PCDHGB3: variants seen among roughly 807,000 people sequenced by gnomAD.
PCDHGB3 encodes protocadherin gamma-B3.
PCDHGB3 carries 40 observed loss-of-function variants against 59.2 expected under a neutral mutation model. That is an observed-to-expected ratio of 0.68 (90% CI 0.52 to 0.88). The LOEUF (loss-of-function observed/expected upper bound fraction) is 0.88. Among genes scored for constraint, PCDHGB3 ranks in the 40% least tolerant of loss-of-function variants. The probability of loss-of-function intolerance (pLI) is 0.00; values close to 1 mark genes in which losing one functional copy is unlikely to be tolerated. For missense variants in PCDHGB3, 1,309 were observed against 1,187.9 expected (o/e 1.10, Z -1.50); for synonymous variants, 581 against 503.6 (o/e 1.15, Z -2.06).
Position 141,372,073 on chromosome 5 carries a change from C to G in PCDHGB3, c.1679C>G (p.Pro560Arg), listed in dbSNP as rs774208540. ...GTGGACGACCGCAACGACAATGCACCGCTGGTGCTGTACCCAGCTCTGGGG... is the reference window on the plus strand; with the variant it reads ...GTGGACGACCGCAACGACAATGCACGGCTGGTGCTGTACCCAGCTCTGGGG... ...VLVDDRNDNA[P>R]LVLYPALGPE... Residue 560 changes from proline (P) to arginine (R), a missense_variant, in exon 1 of 4, where the codon CCG becomes CGG. Transcript: ENST00000576222. 4 of 1,613,648 alleles carry G rather than the reference C, an allele frequency of 2.5e-6. No individual in the cohort carries two copies. The South Asian group carries it at 4.4e-5, about 18-fold the overall frequency.
intron 1 of PCDHGB3, among the ~76,000 whole-genome samples, chr5:141,406,485 G>T (rs2094815755): frequency 6.6e-6 from 1 of 152,142 alleles, no homozygotes; most frequent in Non-Finnish European, 1.5e-5. Flanking sequence ...ATATTTTTCA[G>T]ATCACAAGTG....
chr5:141,496,533 G>A (rs2099769399), intron 2 of PCDHGB3, among the ~76,000 whole-genome samples: 2 of 152,176 alleles, frequency 1.3e-5, no homozygotes, highest in Admixed American at 1.3e-4. Context: ...GTGTATGGCA[G>A]AGATTCCAGC....
chr5:141,401,672 T>A (rs1468956975), intron 1 of PCDHGB3, among the ~76,000 whole-genome samples: 1 of 152,222 alleles, frequency 6.6e-6, no homozygotes, highest in African/African-American at 2.4e-5. Context: ...CTCAACATCC[T>A]TGTAGGATGG....
At chr5:141,442,053 G>A (rs888378256) in intron 1 of PCDHGB3, 3 of 197,472 alleles carry the variant, frequency 1.5e-5, no homozygotes, top group Non-Finnish European at 3.2e-5. Flanking sequence ...ACTGGTCGCG[G>A]TGCACTGCGG....
At chr5:141,414,132 T>A in intron 1 of PCDHGB3, 1 of 1,594,828 alleles carries the variant, frequency 6.3e-7, no homozygotes, top group South Asian at 1.1e-5. Flanking sequence ...CCGGTTTCTA[T>A]GAAATAGAAA....
At chr5:141,433,208 CTT>C (rs745329085) in intron 1 of PCDHGB3, 289 of 1,287,502 alleles carry the variant, frequency 2.2e-4, no homozygotes, top group South Asian at 2.8e-4. Context: ...AATCTTCTTT[CTT>C]TTTTTTTTTT....
At chr5:141,398,936 AC>A in intron 1 of PCDHGB3, 1 of 1,613,962 alleles carries the variant, frequency 6.2e-7, no homozygotes, top group East Asian at 2.2e-5. Context: ...ACTGACCAAG[AC>A]GAGGGCATCA....
At chr5:141,418,418 G>C (rs1366605966) in intron 1 of PCDHGB3, 1 of 1,613,998 alleles carries the variant, frequency 6.2e-7, no homozygotes, top group East Asian at 2.2e-5. Flanking sequence ...AGACAATCCT[G>C]ATGGTGGCAA....
chr5:141,413,265 T>C, intron 1 of PCDHGB3: 1 of 1,613,958 alleles, frequency 6.2e-7, no homozygotes, highest in Non-Finnish European at 8.5e-7. Context: ...CATGGGAGGC[T>C]GGAGCCCGGC....
chr5:141,468,598 G>A (rs1250884127), intron 1 of PCDHGB3: 1 of 152,228 alleles, frequency 6.6e-6, no homozygotes, highest in African/African-American at 2.4e-5. Context: ...TGGGCGCGGT[G>A]GCTCACGCCT....
At position 141,423,758 on chromosome 5, in the gene PCDHGB3, G is replaced by GC. The variant is rs1554116873; in HGVS notation, c.2415+50949_2415+50950insC. 1.7e-4 allele frequency: 62 copies of GC among 366,836 alleles called. 2 individuals are homozygous for GC. The highest frequency in any genetic ancestry group is 4.2e-4 in the Middle Eastern group (1 of 2,358). The allele number at this position is 366,836 out of a possible 1,614,324, so 22.7% of individuals were successfully genotyped here. Reference sequence around the variant, plus strand: ...CTGTTATGAAAACTGTTTGGGGGGGGGGTGGGGCGGCATATATTTAGTTCA... The same window carrying GC: ...CTGTTATGAAAACTGTTTGGGGGGGGCGGTGGGGCGGCATATATTTAGTTCA... On this transcript the variant is annotated intron_variant, in intron 1 of 3. Coordinates refer to ENST00000576222, the MANE Select transcript of PCDHGB3 (RefSeq NM_018924.5).
intron 1 of PCDHGB3, chr5:141,413,704 A>C (rs749988351): frequency 6.2e-7 from 1 of 1,613,616 alleles, no homozygotes; most frequent in South Asian, 1.1e-5. Flanking sequence ...CTATCAGCTC[A>C]GCCCCAATAA....
intron 1 of PCDHGB3, chr5:141,413,378 T>G (rs2095632557): frequency 6.2e-7 from 1 of 1,613,616 alleles, no homozygotes; most frequent in Non-Finnish European, 8.5e-7. Context: ...GAGCGCGGAG[T>G]CCGCATAGTC....
intron 1 of PCDHGB3, among the ~76,000 whole-genome samples, chr5:141,443,070 T>C (rs983773796): frequency 6.6e-6 from 1 of 152,244 alleles, no homozygotes; most frequent in African/African-American, 2.4e-5. Flanking sequence ...GAGCGTCTTA[T>C]GACTGAGTGT....
chr5:141,404,745 C>T, intron 1 of PCDHGB3: 1 of 1,613,966 alleles, frequency 6.2e-7, no homozygotes, highest in Non-Finnish European at 8.5e-7. Flanking sequence ...GACAGAGACT[C>T]AGGCCAGAAT....
At chr5:141,399,613 G>C (rs752648693) in intron 1 of PCDHGB3, 1 of 1,613,928 alleles carries the variant, frequency 6.2e-7, no homozygotes, top group South Asian at 1.1e-5. Context: ...AGAGCCTCTG[G>C]CACTGGCCTC....
intron 1 of PCDHGB3, among the ~76,000 whole-genome samples, chr5:141,447,898 C>T (rs531933709): frequency 3.1e-3 from 465 of 152,088 alleles, no homozygotes; most frequent in Non-Finnish European, 5.5e-3. Context: ...CCAGCCTGGC[C>T]AACATGGTGA....
At chr5:141,409,897 A>C (rs549955923) in intron 1 of PCDHGB3, 1 of 1,613,086 alleles carries the variant, frequency 6.2e-7, no homozygotes, top group Non-Finnish European at 8.5e-7. Context: ...TGCTGTACCC[A>C]GCTCTGGGTC....
chr5:141,408,877 C>T (rs1476847671), intron 1 of PCDHGB3: 4 of 1,613,308 alleles, frequency 2.5e-6, no homozygotes, highest in Admixed American at 3.3e-5. Flanking sequence ...GAAGTGCCAC[C>T]GCTCACATAG....
Sources: allele counts gnomAD v4.1 joint callset (sites outside exome capture counted in the v4.1 genomes callset), GRCh38; gene constraint gnomAD v4.1.1; transcripts MANE v1.5; gene names NCBI Gene and HGNC (gene_info 2026-07-23, HGNC 2026-07-21).